GATA4: variants seen among roughly 807,000 people sequenced by gnomAD.
GATA4 encodes the protein GATA binding protein 4.
In GATA4, 7 loss-of-function variants were observed where a neutral mutation model predicts 37.9. That is an observed-to-expected ratio of 0.18 (90% CI 0.11 to 0.35). GATA4 has a LOEUF of 0.35. Ranked by LOEUF, GATA4 falls within the 10% of genes least tolerant of loss-of-function variation. The pLI, the probability that GATA4 is intolerant of heterozygous loss-of-function variation, is 1.00. For missense variants in GATA4, 647 were observed against 653.0 expected, an observed-to-expected ratio of 0.99 and a Z score of 0.10; for synonymous variants, 372 against 292.6, an observed-to-expected ratio of 1.27 and a Z score of -2.77.
chr8:11,714,129 G>T (rs568670545), intron 2 of GATA4, among the ~76,000 whole-genome samples: 1 of 152,194 alleles, frequency 6.6e-6, no homozygotes. Flanking sequence ...TACTGGAAAG[G>T]CTAGGAAAAT....
At chr8:11,745,805 G>C (rs1291199458) in intron 2 of GATA4, among the ~76,000 whole-genome samples, 1 of 152,154 alleles carries the variant, frequency 6.6e-6, no homozygotes, top group Non-Finnish European at 1.5e-5. Flanking sequence ...GGAACATACT[G>C]AGATATTTAT....
intron 2 of GATA4, among the ~76,000 whole-genome samples, chr8:11,743,507 G>A (rs1459103088): frequency 6.6e-6 from 1 of 152,258 alleles, no homozygotes; most frequent in Non-Finnish European, 1.5e-5. Context: ...TGGGGCGGCA[G>A]CAGTGGCCTG....
intron 1 of GATA4, among the ~76,000 whole-genome samples, chr8:11,678,395 G>T (rs891290848): frequency 1.3e-5 from 2 of 152,154 alleles, no homozygotes; most frequent in Non-Finnish European, 2.9e-5. Context: ...GATTTGAAAA[G>T]CTGTCACAAA....
At chr8:11,721,928 C>G (rs1045512656) in intron 2 of GATA4, among the ~76,000 whole-genome samples, 1 of 152,146 alleles carries the variant, frequency 6.6e-6, no homozygotes, top group African/African-American at 2.4e-5. Flanking sequence ...TCAGATCAAC[C>G]GATCTTTCTT....
intron 1 of GATA4, among the ~76,000 whole-genome samples, chr8:11,695,321 G>A (rs2129997307): frequency 6.6e-6 from 1 of 152,206 alleles, no homozygotes; most frequent in African/African-American, 2.4e-5. Flanking sequence ...CAGGAGAATG[G>A]CTTGAACCCG....
chr8:11,717,146 T>A (rs1800469849), intron 2 of GATA4, among the ~76,000 whole-genome samples: 1 of 152,372 alleles, frequency 6.6e-6, no homozygotes. Flanking sequence ...AACTGGTTAC[T>A]AAGAGTAATT....
At chr8:11,757,485 G>T (rs1055678905) in intron 6 of GATA4, among the ~76,000 whole-genome samples, 2 of 152,352 alleles carry the variant, frequency 1.3e-5, no homozygotes, top group African/African-American at 2.4e-5. Context: ...GGGGAGGCGT[G>T]GTTGCGCTGT....
At chr8:11,710,055 G>A (rs1800104873) in intron 2 of GATA4, among the ~76,000 whole-genome samples, 1 of 152,184 alleles carries the variant, frequency 6.6e-6, no homozygotes, top group Admixed American at 6.5e-5. Context: ...AAGAGTAAAG[G>A]CTACCCCTGC....
At chr8:11,753,129 A>G (rs1349817864) in intron 4 of GATA4, among the ~76,000 whole-genome samples, 2 of 152,248 alleles carry the variant, frequency 1.3e-5, no homozygotes, top group Non-Finnish European at 2.9e-5. Context: ...AGCATGATTC[A>G]CAATTGCAGA....
At chr8:11,698,474 A>C (rs921881855) in intron 1 of GATA4, among the ~76,000 whole-genome samples, 1 of 151,492 alleles carries the variant, frequency 6.6e-6, no homozygotes. Flanking sequence ...CTGGCCAGTC[A>C]TTTCTCTCTG....
intron 1 of GATA4, among the ~76,000 whole-genome samples, chr8:11,683,815 C>A (rs1445979969): frequency 6.6e-6 from 1 of 152,202 alleles, no homozygotes; most frequent in African/African-American, 2.4e-5. Flanking sequence ...GGAATCCCTC[C>A]CCACAATGCC....
At chr8:11,714,218 G>C (rs1263521308) in intron 2 of GATA4, among the ~76,000 whole-genome samples, 2 of 152,174 alleles carry the variant, frequency 1.3e-5, no homozygotes, top group Middle Eastern at 3.2e-3. Flanking sequence ...ATTTCAAAAA[G>C]TTTGAATCAT....
intron 2 of GATA4, among the ~76,000 whole-genome samples, chr8:11,716,331 T>A (rs1473242642): frequency 6.6e-6 from 1 of 152,062 alleles, no homozygotes; most frequent in Admixed American, 6.5e-5. Context: ...TTAAAGAAGA[T>A]TCTCTATTTA....
chr8:11,752,994 G>C (rs1210449209), intron 4 of GATA4, among the ~76,000 whole-genome samples: 2 of 152,130 alleles, frequency 1.3e-5, no homozygotes, highest in Admixed American at 1.3e-4. Flanking sequence ...GTATTAAAAA[G>C]ATTATATTCT....
intron 2 of GATA4, among the ~76,000 whole-genome samples, chr8:11,713,437 C>T (rs372889975): frequency 1.3e-5 from 2 of 152,004 alleles, no homozygotes; most frequent in Non-Finnish European, 2.9e-5. Flanking sequence ...CTCTGCCCTG[C>T]CTGGGTCCAA....
At chr8:11,680,428 C>G in intron 1 of GATA4, 4 of 966,448 alleles carry the variant, frequency 4.1e-6, no homozygotes, top group Non-Finnish European at 4.9e-6. Context: ...CTGAGGAGCT[C>G]CCTCTCATCG....
At chr8:11,687,525 C>T (rs1413390530) in intron 1 of GATA4, among the ~76,000 whole-genome samples, 1 of 152,156 alleles carries the variant, frequency 6.6e-6, no homozygotes, top group African/African-American at 2.4e-5. Flanking sequence ...TGTGGTTTAT[C>T]AAAGTGGTAT....
chr8:11,757,814 G>A (rs947076706), intron 6 of GATA4, among the ~76,000 whole-genome samples: 1 of 152,208 alleles, frequency 6.6e-6, no homozygotes, highest in South Asian at 2.1e-4. Context: ...GCTTGATCAC[G>A]GTCTCCTTTG....
At chr8:11,693,547 A>T (rs1227183117) in intron 1 of GATA4, among the ~76,000 whole-genome samples, 2 of 116,926 alleles carry the variant, frequency 1.7e-5, no homozygotes, top group East Asian at 3.7e-4. Context: ...ACACACACAC[A>T]CACACACACA....
Sources: allele counts gnomAD v4.1 joint callset (sites outside exome capture counted in the v4.1 genomes callset), GRCh38; gene constraint gnomAD v4.1.1; transcripts MANE v1.5; gene names NCBI Gene and HGNC (gene_info 2026-07-23, HGNC 2026-07-21).